TAFA2: variants seen among roughly 807,000 people sequenced by gnomAD.
The protein encoded by TAFA2 is TAFA chemokine like family member 2.
A neutral mutation model predicts 18.8 loss-of-function variants in TAFA2; 7 were observed. The ratio of observed to expected loss-of-function variants is 0.37; its 90% CI spans 0.21 to 0.70. The LOEUF (loss-of-function observed/expected upper bound fraction) is 0.70. TAFA2 is among the 30% of genes least tolerant of loss of function. TAFA2 has a pLI of 0.53. For synonymous variants in TAFA2, 60 were observed against 54.2 expected (o/e 1.11, Z -0.47); for missense variants, 122 against 158.1 (o/e 0.77, Z 1.23).
At chr12:61,890,924 C>G (rs1236684603) in intron 1 of TAFA2, among the ~76,000 whole-genome samples, 1 of 152,110 alleles carries the variant, frequency 6.6e-6, no homozygotes, top group Non-Finnish European at 1.5e-5. Context: ...CATTTTGTAT[C>G]TATTTTCTGA....
chr12:62,056,148 TC>T lies in TAFA2; in HGVS notation c.-2+135110del, dbSNP rs954489442. Among the ~76,000 whole-genome samples, 85 of 152,286 alleles carry T rather than the reference TC, an allele frequency of 5.6e-4. 1 individual carries two copies. The highest frequency in any genetic ancestry group is 2.0e-3 in the African/African-American group (83 of 41,568). On this transcript the variant is annotated intron_variant, in intron 1 of 4. Coordinates refer to ENST00000416284, the MANE Select transcript of TAFA2 (RefSeq NM_178539.5). The stretch of plus-strand genomic sequence containing the variant: ...TTTTGAAAAATGGAAATTATACTTT[TC>T]TTTTTTTATTTCTCTATCTCCTATA...
At chr12:61,715,588 G>A (rs1269641522) in intron 4 of TAFA2, among the ~76,000 whole-genome samples, 6 of 151,612 alleles carry the variant, frequency 4.0e-5, no homozygotes, top group Admixed American at 6.6e-5. Context: ...TCTCGACCTC[G>A]TTATCCGCCC....
chr12:61,792,264 G>C (rs1429546186), intron 2 of TAFA2, among the ~76,000 whole-genome samples: 1 of 151,616 alleles, frequency 6.6e-6, no homozygotes, highest in Admixed American at 6.6e-5. Context: ...ATGAGATGGA[G>C]AGAGGTGAGT....
intron 2 of TAFA2, among the ~76,000 whole-genome samples, chr12:61,863,116 G>A (rs568655871): frequency 1.8e-4 from 27 of 152,276 alleles, no homozygotes; most frequent in African/African-American, 6.5e-4. Flanking sequence ...CCAGAAAGGG[G>A]ATACGTTTAC....
intron 4 of TAFA2, among the ~76,000 whole-genome samples, chr12:61,744,393 A>G (rs991926276): frequency 6.6e-6 from 1 of 152,130 alleles, no homozygotes; most frequent in African/African-American, 2.4e-5. Flanking sequence ...TCTCATTTCA[A>G]TTACAAAAAT....
intron 1 of TAFA2, among the ~76,000 whole-genome samples, chr12:62,095,030 TC>T (rs1378722036): frequency 1.3e-5 from 2 of 152,124 alleles, no homozygotes; most frequent in African/African-American, 4.8e-5. Flanking sequence ...GTATCATTAT[TC>T]CTGTTTATCT....
At chr12:61,954,719 A>G (rs1221685132) in intron 1 of TAFA2, among the ~76,000 whole-genome samples, 1 of 152,142 alleles carries the variant, frequency 6.6e-6, no homozygotes, top group African/African-American at 2.4e-5. Context: ...TGCTTATTAC[A>G]ATGTTAAATT....
chr12:62,234,467 G>A, intron 1 of TAFA2: 1 of 1,038,654 alleles, frequency 9.6e-7, no homozygotes, highest in Non-Finnish European at 1.5e-6. Flanking sequence ...GTCTTCTGGT[G>A]TTGCTTGAGA....
intron 1 of TAFA2, among the ~76,000 whole-genome samples, chr12:61,876,151 T>C (rs11174208): frequency 0.052 from 7,934 of 152,186 alleles, 694 homozygotes; most frequent in African/African-American, 0.18. Flanking sequence ...TCAATGCAAA[T>C]AAGCTATGGT....
intron 1 of TAFA2, among the ~76,000 whole-genome samples, chr12:62,059,222 C>T (rs1246871143): frequency 1.3e-5 from 2 of 149,762 alleles, no homozygotes; most frequent in African/African-American, 4.9e-5. Flanking sequence ...AGGGCTGAAG[C>T]GGAAAGATCC....
chr12:61,986,978 G>A (rs996131021), intron 1 of TAFA2, among the ~76,000 whole-genome samples: 2 of 152,166 alleles, frequency 1.3e-5, no homozygotes, highest in East Asian at 1.9e-4. Flanking sequence ...AATGGACTTC[G>A]GCTGGCTCAC....
intron 1 of TAFA2, among the ~76,000 whole-genome samples, chr12:62,058,918 A>G (rs922528973): frequency 6.6e-6 from 1 of 152,154 alleles, no homozygotes; most frequent in Non-Finnish European, 1.5e-5. Context: ...CCTGGCTAAC[A>G]CGGTGAAACC....
intron 1 of TAFA2, among the ~76,000 whole-genome samples, chr12:62,080,476 A>G (rs530730050): frequency 1.3e-5 from 2 of 152,020 alleles, no homozygotes; most frequent in Non-Finnish European, 2.9e-5. Flanking sequence ...TTTCTACCAC[A>G]TAATCATGCA....
rs2062524347 is a variant in TAFA2 at position 62,177,898 on chromosome 12, G to A, written c.-2+13361C>T. Among the ~76,000 whole-genome samples the A allele has an allele frequency of 2.9e-5, 4 of 139,170 alleles. No individual in the cohort carries two copies. In the South Asian group the frequency reaches 9.2e-4, roughly 32 times the overall value. 91.3% of individuals were successfully genotyped at this position (139,170 alleles called of 152,430 possible). A position where few individuals can be genotyped will look rare whatever the true frequency, so the allele number is the denominator to read the frequency against. ...TTTGCCAGTTCTCACCAGAATGACT[G>A]AATAGCTCTGTAGCTGGTGTCACTG... On this transcript the variant is annotated intron_variant, in intron 1 of 4. Coordinates refer to ENST00000416284, the MANE Select transcript of TAFA2 (RefSeq NM_178539.5).
At chr12:62,009,706 G>T (rs1176854355) in intron 1 of TAFA2, among the ~76,000 whole-genome samples, 2 of 152,172 alleles carry the variant, frequency 1.3e-5, no homozygotes, top group African/African-American at 2.4e-5. Context: ...AGTAATCAGA[G>T]AATTCTATTC....
At chr12:61,781,618 G>A (rs985614330) in intron 2 of TAFA2, among the ~76,000 whole-genome samples, 1 of 151,332 alleles carries the variant, frequency 6.6e-6, no homozygotes, top group Non-Finnish European at 1.5e-5. Flanking sequence ...TGTGTACCAT[G>A]GCCTCAGGCA....
intron 1 of TAFA2, among the ~76,000 whole-genome samples, chr12:61,883,245 C>A (rs1875227449): frequency 6.6e-6 from 1 of 152,036 alleles, no homozygotes; most frequent in Non-Finnish European, 1.5e-5. Context: ...CATTAATTTT[C>A]ATAAAGAAAA....
intron 2 of TAFA2, among the ~76,000 whole-genome samples, chr12:61,807,214 T>C (rs1345707629): frequency 6.6e-6 from 1 of 151,382 alleles, no homozygotes; most frequent in South Asian, 2.1e-4. Context: ...AGGGACTTGG[T>C]GTACTGTGTC....
intron 1 of TAFA2, among the ~76,000 whole-genome samples, chr12:62,047,385 T>C (rs1218346059): frequency 6.6e-6 from 1 of 152,158 alleles, no homozygotes; most frequent in Non-Finnish European, 1.5e-5. Flanking sequence ...AGGATCATCA[T>C]AATGATTCAA....
Sources: gnomAD v4.1 joint callset for allele counts (sites outside exome capture counted in the v4.1 genomes callset) on GRCh38, gnomAD v4.1.1 for gene constraint, MANE v1.5 for transcripts, NCBI Gene and HGNC (gene_info 2026-07-23, HGNC 2026-07-21) for gene names.